Variants in TAS2R1 observed in about 807,000 individuals in gnomAD.
TAS2R1 encodes the protein taste receptor type 2 member 1.
For synonymous variants in TAS2R1, 141 were observed against 134.2 expected, an observed-to-expected ratio of 1.05 and a Z score of -0.35; for missense variants, 370 against 353.4, an observed-to-expected ratio of 1.05 and a Z score of -0.38.
chr5:9,774,335 T>C, the TAS2R1 span, among the ~76,000 whole-genome samples: 9 of 152,380 alleles, frequency 5.9e-5, no homozygotes, highest in East Asian at 1.3e-3. Context: ...TGCTGTGTTA[T>C]CTTGAGTTCC....
At chr5:9,852,077 T>C in the TAS2R1 span, among the ~76,000 whole-genome samples, 1 of 152,218 alleles carries the variant, frequency 6.6e-6, no homozygotes, top group African/African-American at 2.4e-5. Context: ...ATGTTTCATT[T>C]ATTAAACAAT....
At chr5:9,876,257 A>G in the TAS2R1 span, among the ~76,000 whole-genome samples, 2 of 152,144 alleles carry the variant, frequency 1.3e-5, no homozygotes, top group Admixed American at 6.5e-5. Flanking sequence ...AAAGTTTGAA[A>G]GGTTTAAATA....
chr5:9,695,171 T>C (rs764355670), intron 1 of TAS2R1, among the ~76,000 whole-genome samples: 2 of 152,224 alleles, frequency 1.3e-5, no homozygotes, highest in African/African-American at 2.4e-5. Flanking sequence ...GGGAAGCTCC[T>C]AACAAAATCA....
the TAS2R1 span, among the ~76,000 whole-genome samples, chr5:9,866,926 G>T: frequency 6.6e-6 from 1 of 152,192 alleles, no homozygotes; most frequent in Non-Finnish European, 1.5e-5. Context: ...ATACCTGTGT[G>T]TATGTATGTT....
chr5:9,896,029 G>A, the TAS2R1 span, among the ~76,000 whole-genome samples: 1 of 152,220 alleles, frequency 6.6e-6, no homozygotes, highest in Non-Finnish European at 1.5e-5. Flanking sequence ...GCTTCTTAGT[G>A]TGAAATTAAA....
the TAS2R1 span, among the ~76,000 whole-genome samples, chr5:9,754,814 C>T: frequency 6.6e-6 from 1 of 152,158 alleles, no homozygotes; most frequent in African/African-American, 2.4e-5. Context: ...AATGGCCATA[C>T]TGCCCAAGGT....
chr5:9,894,724 T>G, the TAS2R1 span, among the ~76,000 whole-genome samples: 1 of 152,238 alleles, frequency 6.6e-6, no homozygotes, highest in African/African-American at 2.4e-5. Flanking sequence ...TAAACAGATT[T>G]ATAGACATTG....
chr5:9,685,194 T>G (rs1395189858), intron 1 of TAS2R1, among the ~76,000 whole-genome samples: 1 of 152,306 alleles, frequency 6.6e-6, no homozygotes, highest in South Asian at 2.1e-4. Flanking sequence ...AATAACCAGA[T>G]AGGATTCATC....
At chr5:9,750,598 G>A in the TAS2R1 span, among the ~76,000 whole-genome samples, 1 of 152,258 alleles carries the variant, frequency 6.6e-6, no homozygotes, top group Middle Eastern at 3.4e-3. Flanking sequence ...GACATAATGT[G>A]ATTTACATGA....
chr5:9,768,984 C>T, the TAS2R1 span, among the ~76,000 whole-genome samples: 2 of 152,236 alleles, frequency 1.3e-5, no homozygotes, highest in South Asian at 4.2e-4. Context: ...TGTAGTCACC[C>T]TGTTGTATTA....
At chr5:9,725,223 T>C in the TAS2R1 span, among the ~76,000 whole-genome samples, 1 of 152,360 alleles carries the variant, frequency 6.6e-6, no homozygotes, top group African/African-American at 2.4e-5. Flanking sequence ...ACTTGAGCCC[T>C]TCAGCCCGCT....
chr5:9,812,936 T>C, the TAS2R1 span, among the ~76,000 whole-genome samples: 1 of 152,172 alleles, frequency 6.6e-6, no homozygotes, highest in East Asian at 1.9e-4. Flanking sequence ...GATTAAGTTT[T>C]AGCAATGGGT....
the TAS2R1 span, among the ~76,000 whole-genome samples, chr5:9,725,972 C>G: frequency 7.1e-6 from 1 of 140,974 alleles, no homozygotes; most frequent in Non-Finnish European, 1.6e-5. Flanking sequence ...ATACACCAAT[C>G]GGCACTCTGT....
At chr5:9,880,974 T>C in the TAS2R1 span, among the ~76,000 whole-genome samples, 1 of 152,118 alleles carries the variant, frequency 6.6e-6, no homozygotes, top group African/African-American at 2.4e-5. Context: ...CTGATGTCCC[T>C]GGGACTGAGC....
intron 1 of TAS2R1, among the ~76,000 whole-genome samples, chr5:9,669,135 G>A (rs981344781): frequency 6.6e-6 from 1 of 152,090 alleles, no homozygotes; most frequent in African/African-American, 2.4e-5. Context: ...ACAAAGCAGA[G>A]TTTAAATCAG....
At chr5:9,849,121 C>T in the TAS2R1 span, among the ~76,000 whole-genome samples, 1 of 152,230 alleles carries the variant, frequency 6.6e-6, no homozygotes, top group East Asian at 1.9e-4. Flanking sequence ...AACCCTCCTT[C>T]TCTCCATTGT....
the TAS2R1 span, among the ~76,000 whole-genome samples, chr5:9,735,427 A>G: frequency 1.3e-5 from 2 of 151,724 alleles, no homozygotes; most frequent in East Asian, 3.9e-4. Flanking sequence ...TAAGATTAAT[A>G]TTTACAAAAG....
At chr5:9,698,204 T>C (rs1234893190) in intron 1 of TAS2R1, among the ~76,000 whole-genome samples, 1 of 152,226 alleles carries the variant, frequency 6.6e-6, no homozygotes, top group African/African-American at 2.4e-5. Context: ...TATTTTAATA[T>C]GTCCATTTTC....
At chr5:9,738,166 G>C in the TAS2R1 span, among the ~76,000 whole-genome samples, 1 of 152,040 alleles carries the variant, frequency 6.6e-6, no homozygotes, top group Admixed American at 6.6e-5. Flanking sequence ...TTCTCTTCAG[G>C]ATAAACTAGC....
Sources: gnomAD v4.1 joint callset for allele counts (sites outside exome capture counted in the v4.1 genomes callset) on GRCh38, gnomAD v4.1.1 for gene constraint, MANE v1.5 for transcripts, NCBI Gene and HGNC (gene_info 2026-07-23, HGNC 2026-07-21) for gene names.